Variants in SNX8 observed in about 807,000 individuals in gnomAD.
SNX8 encodes the protein sorting nexin 8.
In SNX8, 25 loss-of-function variants were observed where a neutral mutation model predicts 51.6. That is an observed-to-expected ratio of 0.48 (90% confidence interval 0.35 to 0.68). The LOEUF (loss-of-function observed/expected upper bound fraction) is 0.68. Among genes scored for constraint, SNX8 ranks in the 30% least tolerant of loss-of-function variants. The pLI is 0.00. For synonymous variants in SNX8, 324 were observed against 277.0 expected, an observed-to-expected ratio of 1.17 and a Z score of -1.68; for missense variants, 695 against 624.0, an observed-to-expected ratio of 1.11 and a Z score of -1.21.
chr7:2,280,732 A>G (rs527269180), intron 1 of SNX8, among the ~76,000 whole-genome samples: 1 of 152,226 alleles, frequency 6.6e-6, no homozygotes, highest in South Asian at 2.1e-4. Context: ...ACTTCTATGT[A>G]CAAGTTCCAA....
chr7:2,306,533 C>G (rs1279024267), intron 1 of SNX8, among the ~76,000 whole-genome samples: 1 of 152,128 alleles, frequency 6.6e-6, no homozygotes, highest in Admixed American at 6.6e-5. Flanking sequence ...TTTCGAAGCA[C>G]AACTTTATAT....
intron 1 of SNX8, among the ~76,000 whole-genome samples, chr7:2,279,433 G>A (rs750861756): frequency 2.0e-5 from 3 of 152,096 alleles, no homozygotes; most frequent in Non-Finnish European, 2.9e-5. Context: ...CAGAGTCGAC[G>A]CTGCGGGCAC....
Position 2,264,412 on chromosome 7 carries a change from T to A in SNX8, c.668A>T (p.Glu223Val). 6.2e-7 allele frequency: 1 copy of A among 1,612,338 alleles called. No homozygotes were observed. The highest frequency in any genetic ancestry group is 8.5e-7 in the Non-Finnish European group (1 of 1,179,930). The change falls in exon 6 of 11, where the codon GAG (glutamate) becomes GTG (valine). Residue 223 changes from glutamate (E) to valine (V), a missense_variant. Coordinates refer to ENST00000222990, the MANE Select transcript of SNX8 (RefSeq NM_013321.4). Reference sequence around the variant, plus strand: ...GCTATTGTAGATGTTCCGGATCAGCTCCCGGCTGATGGCAAACTGAGCCTG... The same window carrying A: ...GCTATTGTAGATGTTCCGGATCAGCACCCGGCTGATGGCAAACTGAGCCTG... ...DIQAQFAISR[E>V]LIRNIYNSFH...
Position 2,308,780 on chromosome 7 carries a change from A to ATTTT in SNX8, c.94+5544_94+5547dup, listed in dbSNP as rs755533735. On this transcript the variant is annotated intron_variant, in intron 1 of 10. Coordinates refer to ENST00000222990, the MANE Select transcript of SNX8 (RefSeq NM_013321.4). ...AATTTAATCACCATAAAATGAACAA[A>ATTTT]TTTTTTTTTTTTTTTTTTTTTGAGC... Among the ~76,000 whole-genome samples, 7 of 136,040 alleles carry ATTTT rather than the reference A, an allele frequency of 5.1e-5. No individual in the cohort carries two copies. The East Asian group carries it at 8.3e-4, about 16-fold the overall frequency. The allele number at this position is 136,040 out of a possible 152,430, so 89.2% of individuals were successfully genotyped here.
chr7:2,280,791 CCTT>C (rs1026171401), intron 1 of SNX8, among the ~76,000 whole-genome samples: 2 of 96,150 alleles, frequency 2.1e-5, no homozygotes, highest in Admixed American at 2.1e-4. Flanking sequence ...ACTAGAATGC[CCTT>C]TTTTTTTTTT....
chr7:2,287,263 A>AG (rs1206228843), intron 1 of SNX8, among the ~76,000 whole-genome samples: 11 of 151,752 alleles, frequency 7.2e-5, no homozygotes. Context: ...TTCAAAAAAA[A>AG]AAGACTGATG....
chr7:2,254,915 A>T lies in SNX8; in HGVS notation c.*141T>A. 1.5e-6 allele frequency: 1 copy of T among 670,748 alleles called. No individual in the cohort carries two copies. The highest frequency in any genetic ancestry group is 1.7e-5 in the South Asian group (1 of 59,828). The allele number at this position is 670,748 out of a possible 1,614,324, so 41.5% of individuals were successfully genotyped here. A position where few individuals can be genotyped will look rare whatever the true frequency, so the allele number is the denominator to read the frequency against. On this transcript the variant is annotated 3_prime_UTR_variant, in exon 11 of 11. Transcript: ENST00000222990. ...TCCACGGATGCGCCTCCCGACCCGC[A>T]GGCGTGAGCTCCTCTGCTCCAGCTG... is the stretch of plus-strand genomic sequence containing the variant.
At chr7:2,284,114 G>C (rs903716218) in intron 1 of SNX8, among the ~76,000 whole-genome samples, 5 of 152,104 alleles carry the variant, frequency 3.3e-5, no homozygotes, top group Non-Finnish European at 5.9e-5. Flanking sequence ...ATTTTTAGTA[G>C]AGATGGGGTT....
upstream of SNX8, among the ~76,000 whole-genome samples, chr7:2,317,210 A>C (rs1345555673): frequency 1.5e-5 from 2 of 134,378 alleles, no homozygotes; most frequent in African/African-American, 5.5e-5. Context: ...GTAGGCCTGC[A>C]TCAGGAAGGG....
rs556303532 is a variant in SNX8, at chr7:2,268,590, AG to A, written c.621+968del. On this transcript the variant is annotated intron_variant, in intron 5 of 10. Transcript: ENST00000222990. ...CGCCTGGCCAGCCGCCCTGTCCGGG[AG>A]GGAGGTGGGGGGGTCAGCCCTCCGC... Among the ~76,000 whole-genome samples, 264 of 137,652 alleles carry A rather than the reference AG, an allele frequency of 1.9e-3. 1 individual carries two copies. Among genetic ancestry groups the A allele is most frequent in the African/African-American group, 6.9e-3 (249 of 36,314 alleles). The allele number at this position is 137,652 out of a possible 152,430, so 90.3% of individuals were successfully genotyped here. A position where few individuals can be genotyped will look rare whatever the true frequency, so the allele number is the denominator to read the frequency against.
chr7:2,269,672 TCTA>T lies in SNX8; in HGVS notation c.541-36_541-34del, dbSNP rs775758671. The T allele has an allele frequency of 2.2e-5, 33 of 1,485,188 alleles. No individual in the cohort carries two copies. In the East Asian group the frequency reaches 7.4e-4, roughly 33 times the overall value. 92.0% of individuals were successfully genotyped at this position (1,485,188 alleles called of 1,614,324 possible). A position where few individuals can be genotyped will look rare whatever the true frequency, so the allele number is the denominator to read the frequency against. Reference sequence around the variant, plus strand: ...AGGAAAACACACAGCTTCACCCTCTTCTACTAGCAGCAAGAAAGCTGCTGTGGG... The same window carrying T: ...AGGAAAACACACAGCTTCACCCTCTTCTAGCAGCAAGAAAGCTGCTGTGGG... On this transcript the variant is annotated intron_variant, in intron 4 of 10. Coordinates refer to ENST00000222990, the MANE Select transcript of SNX8 (RefSeq NM_013321.4).
intron 9 of SNX8, among the ~76,000 whole-genome samples, 167 bp from the exon 10 acceptor site, chr7:2,257,190 C>T (rs1450046322): frequency 6.6e-6 from 1 of 152,178 alleles, no homozygotes; most frequent in Non-Finnish European, 1.5e-5. Context: ...GAGCACCGTG[C>T]AGGGAGCCGC....
At chr7:2,314,213 G>A in intron 1 of SNX8, 115 bp downstream of exon 1, 2 of 1,086,328 alleles carry the variant, frequency 1.8e-6, no homozygotes, top group South Asian at 9.1e-5. Flanking sequence ...CGAACGCGGG[G>A]CGCGGGGGCA....
At chr7:2,277,231 G>C (rs1795800796) in intron 2 of SNX8, among the ~76,000 whole-genome samples, 3 of 152,202 alleles carry the variant, frequency 2.0e-5, no homozygotes, top group East Asian at 1.9e-4. Context: ...GCAAGGGACA[G>C]AGAGAGCCAC....
rs138607747 is a variant in SNX8 at position 2,278,163 on chromosome 7, C to T, written c.237G>A (p.Val79=). 257 of 1,614,014 alleles carry T rather than the reference C, an allele frequency of 1.6e-4. No homozygotes were observed. The highest frequency in any genetic ancestry group is 2.1e-4 in the Non-Finnish European group (251 of 1,180,010). ...QELLARDTVQ[V]ELIPEKKGLF... Reference sequence around the variant, plus strand: ...GGCCCTTCTTCTCCGGAATGAGCTCCACCTGCACGGTGTCCCTGGCCAGCA... The same window carrying T: ...GGCCCTTCTTCTCCGGAATGAGCTCTACCTGCACGGTGTCCCTGGCCAGCA... The change falls in exon 2 of 11, where the codon GTG becomes GTA. Residue 79 remains valine, a synonymous_variant. Transcript: ENST00000222990.
chr7:2,314,513 G>C (rs1326058758), upstream of SNX8: 1 of 1,117,722 alleles, frequency 8.9e-7, no homozygotes, highest in Admixed American at 4.8e-5. Flanking sequence ...ACCCCGCCTG[G>C]TCACGCCCCC....
upstream of SNX8, among the ~76,000 whole-genome samples, chr7:2,315,914 C>G (rs903685523): frequency 2.1e-5 from 3 of 142,000 alleles, no homozygotes; most frequent in African/African-American, 7.9e-5. Flanking sequence ...ATTCATCCAC[C>G]CACTCACTCA....
intron 1 of SNX8, among the ~76,000 whole-genome samples, chr7:2,350,858 G>T (rs899730351): frequency 1.3e-5 from 2 of 152,040 alleles, no homozygotes; most frequent in Non-Finnish European, 2.9e-5. Flanking sequence ...TGTTGGCCAG[G>T]CTAGTCTTGA....
intron 1 of SNX8, among the ~76,000 whole-genome samples, chr7:2,327,614 A>G (rs935318514): frequency 2.6e-5 from 4 of 151,770 alleles, no homozygotes; most frequent in Non-Finnish European, 5.9e-5. Context: ...TCACTGTGTT[A>G]GCCAGGATGG....
Sources: allele counts gnomAD v4.1 joint callset (sites outside exome capture counted in the v4.1 genomes callset), GRCh38; gene constraint gnomAD v4.1.1; transcripts MANE v1.5; gene names NCBI Gene and HGNC (gene_info 2026-07-23, HGNC 2026-07-21).